The following RSPO3 variants were observed in gnomAD, a reference collection of about 807,000 sequenced individuals.
RSPO3 encodes the protein R-spondin 3, also known as R-spondin-3.
A neutral mutation model predicts 36.5 loss-of-function variants in RSPO3; 17 were observed. The ratio of observed to expected loss-of-function variants is 0.47; its 90% confidence interval spans 0.32 to 0.70. RSPO3 has a LOEUF of 0.70. RSPO3 is among the 30% of genes least tolerant of loss of function. The pLI is 0.04. For synonymous variants in RSPO3, 108 were observed against 107.0 expected, an observed-to-expected ratio of 1.01 and a Z score of -0.06; for missense variants, 294 against 322.5, an observed-to-expected ratio of 0.91 and a Z score of 0.68.
intron 1 of RSPO3, among the ~76,000 whole-genome samples, chr6:127,141,683 G>C (rs1457917673): frequency 6.6e-6 from 1 of 152,134 alleles, no homozygotes; most frequent in African/African-American, 2.4e-5. Context: ...TCAACCTCTG[G>C]TGTAGGCACA....
chr6:127,127,941 C>T (rs372858890), intron 1 of RSPO3, among the ~76,000 whole-genome samples: 171 of 152,146 alleles, frequency 1.1e-3, no homozygotes, highest in Middle Eastern at 0.01. Context: ...TCCTCTCTTT[C>T]CTTAAACCTG....
At chr6:127,188,192 C>A (rs534504182) in intron 4 of RSPO3, among the ~76,000 whole-genome samples, 2 of 152,136 alleles carry the variant, frequency 1.3e-5, no homozygotes, top group South Asian at 2.1e-4. Flanking sequence ...GATTCTGAGT[C>A]TTTAGTGGAT....
intron 1 of RSPO3, among the ~76,000 whole-genome samples, chr6:127,144,384 A>G (rs1197618643): frequency 1.3e-5 from 2 of 151,988 alleles, no homozygotes; most frequent in East Asian, 1.9e-4. Context: ...TAAACTCACT[A>G]TTTTTCCAGC....
At chr6:127,166,805 G>A (rs1265345564) in intron 4 of RSPO3, among the ~76,000 whole-genome samples, 2 of 152,066 alleles carry the variant, frequency 1.3e-5, no homozygotes, top group East Asian at 3.9e-4. Context: ...CTAACTGCAT[G>A]TTATTAGTCC....
chr6:127,194,418 C>T (rs904345128), intron 4 of RSPO3, among the ~76,000 whole-genome samples: 11 of 152,240 alleles, frequency 7.2e-5, no homozygotes, highest in African/African-American at 2.6e-4. Flanking sequence ...TTTTTGTTTA[C>T]TGTAATATTG....
intron 4 of RSPO3, among the ~76,000 whole-genome samples, chr6:127,157,823 C>T (rs1774624859): frequency 6.6e-6 from 1 of 151,640 alleles, no homozygotes; most frequent in Non-Finnish European, 1.5e-5. Context: ...AAAATCATTT[C>T]TCTCTTTGTT....
chr6:127,156,988 G>A (rs1234256957), intron 4 of RSPO3, among the ~76,000 whole-genome samples: 1 of 152,116 alleles, frequency 6.6e-6, no homozygotes, highest in Non-Finnish European at 1.5e-5. Flanking sequence ...AAAAATTCTT[G>A]AAGACATGGG....
intron 4 of RSPO3, among the ~76,000 whole-genome samples, chr6:127,178,858 T>C (rs1188766730): frequency 6.6e-6 from 1 of 151,812 alleles, no homozygotes; most frequent in Non-Finnish European, 1.5e-5. Context: ...AGAAAGTCTC[T>C]GAAAAGGGCA....
chr6:127,138,076 T>C (rs369539255), intron 1 of RSPO3, among the ~76,000 whole-genome samples: 111 of 152,306 alleles, frequency 7.3e-4, no homozygotes, highest in Middle Eastern at 6.8e-3. Flanking sequence ...ATCAATGCAG[T>C]TACCTAAATC....
intron 4 of RSPO3, among the ~76,000 whole-genome samples, chr6:127,195,213 C>T (rs1017555830): frequency 2.0e-5 from 3 of 152,140 alleles, no homozygotes; most frequent in African/African-American, 7.2e-5. Flanking sequence ...CTTGCTCAGG[C>T]TGGAGAGTAC....
intron 1 of RSPO3, among the ~76,000 whole-genome samples, chr6:127,140,188 T>C (rs979328404): frequency 1.3e-5 from 2 of 152,186 alleles, no homozygotes; most frequent in East Asian, 1.9e-4. Flanking sequence ...CTAAGTTATT[T>C]AGACTGTTTC....
Position 127,118,855 on chromosome 6 carries a change from C to G in RSPO3, c.-338C>G, listed in dbSNP as rs916017918. 1 of 168,552 alleles carries G rather than the reference C, an allele frequency of 5.9e-6. No individual in the cohort carries two copies. Among genetic ancestry groups the G allele is most frequent in the East Asian group, 1.6e-4 (1 of 6,110 alleles). 10.4% of individuals were successfully genotyped at this position (168,552 alleles called of 1,614,324 possible). A position where few individuals can be genotyped will look rare whatever the true frequency, so the allele number is the denominator to read the frequency against. ...CGCTGCAGCCGCCGCCGCCGCCGCT[C>G]GCCCGCCCGGATCCCGCCTGCGGCA... On this transcript the variant is annotated 5_prime_UTR_variant, in exon 1 of 5. Transcript: ENST00000356698.
Position 127,197,550 on chromosome 6 carries a change from G to A in RSPO3, c.*1543G>A. 6.5e-7 allele frequency: 1 copy of A among 1,549,010 alleles called. No homozygotes were observed. On this transcript the variant is annotated 3_prime_UTR_variant, in exon 5 of 5. Coordinates refer to ENST00000356698, the MANE Select transcript of RSPO3 (RefSeq NM_032784.5). ...TCGCATGACCCACCTTAACCTTCCT[G>A]TTGTCATGGAAGGATGCACGGCTGC...
chr6:127,146,505 A>G lies in RSPO3; in HGVS notation c.98-2143A>G, dbSNP rs1774386972. On this transcript the variant is annotated intron_variant, in intron 1 of 4. Transcript: ENST00000356698. ...TTCAAAACCTAGTTTTTAAAATAAA[A>G]TTTATCTTAAGGAATGTCAGTTTTT... Among the ~76,000 whole-genome samples the G allele has an allele frequency of 2.0e-5, 3 of 152,098 alleles. No homozygotes were observed. In the South Asian group the frequency reaches 6.2e-4, roughly 32 times the overall value.
chr6:127,156,155 T>C (rs144047163), intron 4 of RSPO3, among the ~76,000 whole-genome samples: 35 of 152,288 alleles, frequency 2.3e-4, no homozygotes, highest in Admixed American at 4.6e-4. Flanking sequence ...TGTCTCCAGA[T>C]TTCTTTTCAT....
At chr6:127,182,819 G>A (rs1168634940) in intron 4 of RSPO3, among the ~76,000 whole-genome samples, 2 of 151,946 alleles carry the variant, frequency 1.3e-5, no homozygotes, top group African/African-American at 4.8e-5. Flanking sequence ...CACTTCAAAA[G>A]AGGATACAAA....
At chr6:127,120,808 C>T (rs1269765728) in intron 1 of RSPO3, among the ~76,000 whole-genome samples, 2 of 152,244 alleles carry the variant, frequency 1.3e-5, no homozygotes, top group African/African-American at 2.4e-5. Flanking sequence ...AGAGCCCAAA[C>T]TAAATATGTC....
intron 1 of RSPO3, among the ~76,000 whole-genome samples, chr6:127,139,508 T>G (rs1461183854): frequency 6.6e-6 from 1 of 152,020 alleles, no homozygotes; most frequent in Non-Finnish European, 1.5e-5. Context: ...CTGTTTATGT[T>G]GATTTCTAAT....
At chr6:127,151,783 GA>G (rs1012725124) in intron 3 of RSPO3, among the ~76,000 whole-genome samples, 2 of 151,602 alleles carry the variant, frequency 1.3e-5, no homozygotes, top group African/African-American at 4.8e-5. Flanking sequence ...AAAACACATG[GA>G]AAAAAAAGCA....
Sources: allele counts gnomAD v4.1 joint callset (sites outside exome capture counted in the v4.1 genomes callset), GRCh38; gene constraint gnomAD v4.1.1; transcripts MANE v1.5; gene names NCBI Gene and HGNC (gene_info 2026-07-23, HGNC 2026-07-21).